Variants in SMURF1 observed in about 807,000 individuals in gnomAD.
The protein encoded by SMURF1 is E3 ubiquitin-protein ligase SMURF1.
SMURF1 carries 44 observed loss-of-function variants against 98.0 expected under a neutral mutation model. The observed-to-expected ratio is 0.45, with a 90% CI of 0.35 to 0.58. The LOEUF (loss-of-function observed/expected upper bound fraction) is 0.58, where lower values mean the gene tolerates loss of function less well. SMURF1 is among the 20% of genes least tolerant of loss of function. The pLI is 0.00. For synonymous variants in SMURF1, 396 were observed against 374.9 expected (o/e 1.06, Z -0.65); for missense variants, 687 against 938.4 (o/e 0.73, Z 3.50).
chr7:99,062,319 T>C (rs899417851), intron 1 of SMURF1, among the ~76,000 whole-genome samples: 13 of 152,138 alleles, frequency 8.5e-5, no homozygotes, highest in African/African-American at 3.1e-4. Flanking sequence ...CGATATTCTC[T>C]TATACTGCAT....
rs1429201179 is a variant in SMURF1 at position 99,027,613 on chromosome 7, T to C, written c.*2971A>G. The C allele has an allele frequency of 5.2e-5, 8 of 152,636 alleles. No individual in the cohort carries two copies. The highest frequency in any genetic ancestry group is 5.2e-4 in the Admixed American group (8 of 15,278). The allele number at this position is 152,636 out of a possible 1,614,324, so 9.5% of individuals were successfully genotyped here. On this transcript the variant is annotated 3_prime_UTR_variant, in exon 18 of 18. Transcript: ENST00000361368. Reference sequence around the variant, plus strand: ...GACATAGAACATTAGTGTACAACTTTCACAAAATAAATCAGTGATAAAAAC... The same window carrying C: ...GACATAGAACATTAGTGTACAACTTCCACAAAATAAATCAGTGATAAAAAC...
At chr7:99,049,923 A>C (rs779071147) in intron 8 of SMURF1, 4 of 455,168 alleles carry the variant, frequency 8.8e-6, no homozygotes, top group Non-Finnish European at 7.6e-6. Flanking sequence ...TTTAAAACCA[A>C]ACTTTCAGGC....
At position 99,040,427 on chromosome 7, in the gene SMURF1, C is replaced by G. The variant is rs766959722; in HGVS notation, c.1501G>C (p.Asp501His). 1 of 1,591,018 alleles carries G rather than the reference C, an allele frequency of 6.3e-7. No homozygotes were observed. Among genetic ancestry groups the G allele is most frequent in the East Asian group, 2.3e-5 (1 of 43,450 alleles). ...QLLGKPIQLS[D>H]LESVDPELHK... The stretch of plus-strand genomic sequence containing the variant: ...AGCTCTGGGTCCACAGATTCCAGAT[C>G]TGAGAGCTGGATGGGCTTCCCCAGC... The change falls in exon 13 of 18, where the codon GAT becomes CAT. Residue 501 changes from aspartate to histidine, a missense_variant. By Grantham distance (81) the Asp-to-His change is moderately conservative. Transcript: ENST00000361368.
At chr7:99,129,021 T>C (rs2091196623) in intron 1 of SMURF1, among the ~76,000 whole-genome samples, 1 of 152,186 alleles carries the variant, frequency 6.6e-6, no homozygotes, top group Non-Finnish European at 1.5e-5. Context: ...GAAAAGAAAC[T>C]TTAGATCATA....
chr7:99,130,634 G>A (rs551542943), intron 1 of SMURF1, among the ~76,000 whole-genome samples: 1 of 152,244 alleles, frequency 6.6e-6, no homozygotes, highest in African/African-American at 2.4e-5. Context: ...CACAAAGAAG[G>A]TATACTTCTT....
At chr7:99,088,036 C>T (rs1378525848) in intron 1 of SMURF1, among the ~76,000 whole-genome samples, 1 of 151,984 alleles carries the variant, frequency 6.6e-6, no homozygotes, top group Non-Finnish European at 1.5e-5. Context: ...GCAGGTGGAT[C>T]ACCTGAGGTC....
intron 1 of SMURF1, among the ~76,000 whole-genome samples, chr7:99,085,769 C>T (rs117861420): frequency 0.037 from 5,621 of 152,276 alleles, 144 homozygotes; most frequent in Middle Eastern, 0.082. Flanking sequence ...TTCTCCCCGT[C>T]CCCTTGGCAA....
chr7:99,142,715 G>A (rs1798157383), intron 1 of SMURF1, among the ~76,000 whole-genome samples: 1 of 146,174 alleles, frequency 6.8e-6, no homozygotes, highest in Admixed American at 6.9e-5. Context: ...GAAGCAAGGG[G>A]GCAAGTGGAA....
intron 2 of SMURF1, 99 bp from the exon 3 acceptor site, chr7:99,060,806 AT>A (rs1341994371): frequency 1.3e-6 from 1 of 753,148 alleles, no homozygotes; most frequent in East Asian, 2.9e-5. Context: ...GATAATTTCA[AT>A]CAGCAAAATA....
intron 1 of SMURF1, among the ~76,000 whole-genome samples, chr7:99,099,209 C>CT (rs57973305): frequency 0.03 from 3,828 of 129,416 alleles, 136 homozygotes; most frequent in African/African-American, 0.078. Context: ...AACACTACTA[C>CT]TTTTTTTTTT....
chr7:99,102,692 A>G (rs887592034), intron 1 of SMURF1, among the ~76,000 whole-genome samples: 2 of 152,228 alleles, frequency 1.3e-5, no homozygotes, highest in Admixed American at 6.5e-5. Flanking sequence ...TCTATACTTA[A>G]ATAAGTGGCT....
intron 5 of SMURF1, 121 bp from the exon 6 acceptor site, chr7:99,054,986 T>C (rs1795846125): frequency 3.7e-6 from 3 of 804,794 alleles, no homozygotes; most frequent in Non-Finnish European, 6.3e-6. Flanking sequence ...CATATGTGTA[T>C]GCATACACAC....
At chr7:99,071,774 A>G (rs899325201) in intron 1 of SMURF1, among the ~76,000 whole-genome samples, 2 of 152,214 alleles carry the variant, frequency 1.3e-5, no homozygotes, top group Admixed American at 1.3e-4. Flanking sequence ...GGAATGTTTT[A>G]CAGCGGAACA....
In SMURF1 at chr7:99,035,555, C is replaced by T; in HGVS notation, c.1971G>A (p.Gly657=). The T allele has an allele frequency of 1.2e-6, 2 of 1,614,236 alleles. No individual in the cohort carries two copies. Among genetic ancestry groups the T allele is most frequent in the South Asian group, 2.2e-5 (2 of 91,092 alleles). The part of the protein sequence containing the change: ...RRARLLQFVT[G]STRVPLQGFK... ...AGCCTTGGAGCGGGACTCGCGTGGA[C>T]CCAGTCACAAACTGCAGGAGCCTGG... Residue 657 remains glycine, a synonymous_variant, in exon 16 of 18, where the codon GGG becomes GGA. Transcript: ENST00000361368.
intron 1 of SMURF1, among the ~76,000 whole-genome samples, chr7:99,123,117 T>A (rs1000609825): frequency 1.2e-4 from 18 of 151,794 alleles, no homozygotes; most frequent in African/African-American, 3.6e-4. Context: ...ATTTTTTTTT[T>A]AGTAAAACTG....
rs1336244056 is a variant in SMURF1 at position 99,045,691 on chromosome 7, A to G, written c.1256+7T>C. The G allele has an allele frequency of 6.2e-7, 1 of 1,607,494 alleles. No homozygotes were observed. The highest frequency in any genetic ancestry group is 1.3e-5 in the African/African-American group (1 of 74,802). On this transcript the variant is annotated splice_region_variant and intron_variant, in intron 11 of 17. Coordinates refer to ENST00000361368, the MANE Select transcript of SMURF1 (RefSeq NM_181349.3). ...CAGCAGAGAAGGTGAATGAACAAGC[A>G]GCTCACCTGGCCACACCACCGTAAT...
At chr7:99,065,269 G>A (rs1396308339) in intron 1 of SMURF1, among the ~76,000 whole-genome samples, 3 of 150,896 alleles carry the variant, frequency 2.0e-5, no homozygotes, top group African/African-American at 7.3e-5. Context: ...TAATTTTTTT[G>A]TAGAAACGGG....
chr7:99,035,290 C>T, intron 16 of SMURF1: 2 of 585,636 alleles, frequency 3.4e-6, no homozygotes, highest in East Asian at 2.9e-5. Flanking sequence ...TCCAGGTGCC[C>T]TGGAGTGGCT....
chr7:99,080,735 C>A (rs751891222), intron 1 of SMURF1, among the ~76,000 whole-genome samples: 4 of 152,212 alleles, frequency 2.6e-5, no homozygotes, highest in African/African-American at 4.8e-5. Flanking sequence ...GAGACCGACA[C>A]TGAAACCAGG....
Sources: allele counts gnomAD v4.1 joint callset (sites outside exome capture counted in the v4.1 genomes callset), GRCh38; gene constraint gnomAD v4.1.1; transcripts MANE v1.5; gene names NCBI Gene and HGNC (gene_info 2026-07-23, HGNC 2026-07-21).